The following PCCA variants were observed in gnomAD, a reference collection of about 807,000 sequenced individuals.
PCCA encodes propionyl-CoA carboxylase alpha chain, mitochondrial.
PCCA carries 74 observed loss-of-function variants against 101.3 expected under a neutral mutation model. The observed-to-expected ratio is 0.73, with a 90% CI of 0.61 to 0.89. The LOEUF is 0.89. PCCA is among the 40% of genes least tolerant of loss of function. PCCA has a pLI of 0.00. For synonymous variants in PCCA, 294 were observed against 313.6 expected, an observed-to-expected ratio of 0.94 and a Z score of 0.66; for missense variants, 891 against 907.0, an observed-to-expected ratio of 0.98 and a Z score of 0.23.
chr13:100,292,300 C>T (rs1206678881), intron 12 of PCCA, among the ~76,000 whole-genome samples: 1 of 152,202 alleles, frequency 6.6e-6, no homozygotes, highest in African/African-American at 2.4e-5. Context: ...CAAACATCTA[C>T]TGTTTTCACT....
intron 4 of PCCA, chr13:100,149,142 G>T: frequency 1.4e-5 from 2 of 146,134 alleles, no homozygotes; most frequent in Admixed American, 6.9e-5. Context: ...TTTAGAAATA[G>T]GATTTTATCT....
intron 20 of PCCA, among the ~76,000 whole-genome samples, chr13:100,436,880 T>C (rs1037246141): frequency 2.0e-5 from 3 of 152,206 alleles, no homozygotes; most frequent in Non-Finnish European, 4.4e-5. Context: ...CCATACTCCA[T>C]TAGTGTGGCT....
chr13:100,466,134 A>G (rs1027392159), intron 21 of PCCA: 1 of 152,226 alleles, frequency 6.6e-6, no homozygotes, highest in African/African-American at 2.4e-5. Flanking sequence ...GTGCAGCTCA[A>G]TACCTTATTC....
intron 12 of PCCA, among the ~76,000 whole-genome samples, chr13:100,286,074 C>T (rs993606042): frequency 6.6e-6 from 1 of 152,088 alleles, no homozygotes; most frequent in African/African-American, 2.4e-5. Flanking sequence ...GCATACCCCT[C>T]TGCATGTGTG....
At chr13:100,486,148 G>A (rs1566433792) in intron 21 of PCCA, among the ~76,000 whole-genome samples, 2 of 152,340 alleles carry the variant, frequency 1.3e-5, no homozygotes, top group African/African-American at 4.8e-5. Flanking sequence ...ATTCCTGAAG[G>A]AAGGACTCTG....
chr13:100,323,997 G>C (rs1362708746), intron 16 of PCCA, among the ~76,000 whole-genome samples: 1 of 152,194 alleles, frequency 6.6e-6, no homozygotes, highest in Non-Finnish European at 1.5e-5. Context: ...GACTTGAATA[G>C]TAAAATCAGA....
chr13:100,233,557 G>A lies in PCCA; in HGVS notation c.601-2285G>A, dbSNP rs189124897. The stretch of plus-strand genomic sequence containing the variant: ...TATAGGGCTTTTTATCTCTTCAAAA[G>A]TAATTTTGTAGAGCCTGATAATAAA... On this transcript the variant is annotated intron_variant, in intron 7 of 23. Transcript: ENST00000376285. Among the ~76,000 whole-genome samples, 378 of 152,220 alleles carry A rather than the reference G, an allele frequency of 2.5e-3. 2 individuals are homozygous for A. Among genetic ancestry groups the A allele is most frequent in the African/African-American group, 8.4e-3 (350 of 41,560 alleles).
chr13:100,127,681 A>G (rs1014971695), intron 4 of PCCA, among the ~76,000 whole-genome samples: 8 of 151,704 alleles, frequency 5.3e-5, no homozygotes, highest in Non-Finnish European at 7.4e-5. Context: ...TCATGAGGTC[A>G]GGAGATCGAG....
intron 7 of PCCA, among the ~76,000 whole-genome samples, chr13:100,231,985 T>C (rs1176199163): frequency 6.6e-6 from 1 of 152,208 alleles, no homozygotes; most frequent in African/African-American, 2.4e-5. Context: ...ATACGCTATG[T>C]ACTCCAACTT....
intron 4 of PCCA, among the ~76,000 whole-genome samples, chr13:100,118,216 C>T (rs2152294842): frequency 6.6e-6 from 1 of 151,838 alleles, no homozygotes; most frequent in African/African-American, 2.4e-5. Flanking sequence ...TGGTTTTCTA[C>T]ATATCTATAA....
chr13:100,415,708 G>C (rs2078317720), intron 19 of PCCA, among the ~76,000 whole-genome samples: 1 of 152,134 alleles, frequency 6.6e-6, no homozygotes, highest in African/African-American at 2.4e-5. Flanking sequence ...AAAAAACTTG[G>C]AATTTGTGTA....
intron 16 of PCCA, among the ~76,000 whole-genome samples, chr13:100,319,238 C>T (rs542232338): frequency 6.6e-6 from 1 of 152,124 alleles, no homozygotes; most frequent in African/African-American, 2.4e-5. Context: ...GATATTAGCC[C>T]TTTGTCAGGT....
rs779108277 is a variant in PCCA, at chr13:100,209,395, A to T, written c.532A>T (p.Ile178Phe). 1 of 1,613,428 alleles carries T rather than the reference A, an allele frequency of 6.2e-7. No homozygotes were observed. Among genetic ancestry groups the T allele is most frequent in the Non-Finnish European group, 8.5e-7 (1 of 1,179,356 alleles). ...THAIQAMGDKIESKLLAKKAE... is the reference protein window; with the variant it reads ...THAIQAMGDKFESKLLAKKAE... ...TGCTATTCAAGCCATGGGCGACAAG[A>T]TTGAAAGCAAATTATTAGCTAAGAA... The change falls in exon 7 of 24, where the codon ATT becomes TTT. Residue 178 changes from isoleucine to phenylalanine, a missense_variant. Coordinates refer to ENST00000376285, the MANE Select transcript of PCCA (RefSeq NM_000282.4).
intron 6 of PCCA, among the ~76,000 whole-genome samples, chr13:100,206,412 G>A (rs886787210): frequency 1.4e-4 from 22 of 152,128 alleles, no homozygotes; most frequent in East Asian, 1.2e-3. Context: ...GATTACAGGC[G>A]TGCACCACCA....
chr13:100,178,309 T>G (rs1038422006), intron 6 of PCCA, among the ~76,000 whole-genome samples: 3 of 152,230 alleles, frequency 2.0e-5, no homozygotes, highest in Admixed American at 1.3e-4. Context: ...GGGCCAAGTT[T>G]AGCAGTCTTA....
At chr13:100,292,104 A>G (rs2065169161) in intron 12 of PCCA, among the ~76,000 whole-genome samples, 1 of 152,206 alleles carries the variant, frequency 6.6e-6, no homozygotes, top group African/African-American at 2.4e-5. Context: ...ACAGCTTCTC[A>G]GAGCAGGAAT....
At chr13:100,381,261 C>T (rs562711819) in intron 19 of PCCA, among the ~76,000 whole-genome samples, 15 of 152,016 alleles carry the variant, frequency 9.9e-5, no homozygotes, top group Non-Finnish European at 1.3e-4. Flanking sequence ...TGGTGATGGG[C>T]GCCTGTAGTC....
chr13:100,192,859 A>T (rs986779172), intron 6 of PCCA, among the ~76,000 whole-genome samples: 2 of 152,078 alleles, frequency 1.3e-5, no homozygotes, highest in East Asian at 3.9e-4. Flanking sequence ...GACTCTGTTC[A>T]CCGTGTCTGA....
chr13:100,352,136 A>G (rs1235803301), intron 18 of PCCA, among the ~76,000 whole-genome samples: 1 of 152,224 alleles, frequency 6.6e-6, no homozygotes, highest in Non-Finnish European at 1.5e-5. Context: ...GAAAGTAAAA[A>G]GCAAAATGGT....
Sources: gnomAD v4.1 joint callset for allele counts (sites outside exome capture counted in the v4.1 genomes callset) on GRCh38, gnomAD v4.1.1 for gene constraint, MANE v1.5 for transcripts, NCBI Gene and HGNC (gene_info 2026-07-23, HGNC 2026-07-21) for gene names.